The following SLFN12L variants were observed in gnomAD, a reference collection of about 807,000 sequenced individuals.
SLFN12L encodes the protein schlafen family member 12 like.
In SLFN12L, 34 loss-of-function variants were observed where a neutral mutation model predicts 34.8. The observed-to-expected ratio is 0.98, with a 90% CI of 0.74 to 1.30. The LOEUF (loss-of-function observed/expected upper bound fraction) is 1.30. Among genes scored for constraint, SLFN12L ranks in the 50% most tolerant of loss-of-function variants. The pLI is 0.00. For missense variants in SLFN12L, 703 were observed against 696.2 expected, an observed-to-expected ratio of 1.01 and a Z score of -0.11; for synonymous variants, 259 against 247.5, an observed-to-expected ratio of 1.05 and a Z score of -0.44.
At chr17:35,478,727 A>G (rs1914147648) in intron 3 of SLFN12L, among the ~76,000 whole-genome samples, 1 of 152,220 alleles carries the variant, frequency 6.6e-6, no homozygotes, top group Non-Finnish European at 1.5e-5. Context: ...ATAAATGGAA[A>G]GTGGGTAAAG....
In SLFN12L at chr17:35,472,147, C is replaced by T. The variant is rs1913818798; in HGVS notation, c.*2776G>A. 6.6e-6 allele frequency among the ~76,000 whole-genome samples: 1 copy of T among 152,130 alleles called. No homozygotes were observed. The highest frequency in any genetic ancestry group is 6.5e-5 in the Admixed American group (1 of 15,274). ...TGAAGTCTTTGCCCATGCCTATGTC[C>T]TGAATGGTATTGCCTAGGTTTTCTT... On this transcript the variant is annotated 3_prime_UTR_variant, in exon 5 of 5. Transcript: ENST00000628453.
chr17:35,531,380 T>C (rs974442232), intron 1 of SLFN12L, among the ~76,000 whole-genome samples: 10 of 152,204 alleles, frequency 6.6e-5, no homozygotes, highest in Non-Finnish European at 1.3e-4. Flanking sequence ...TTTCATGATC[T>C]TACTCATATG....
chr17:35,515,804 C>G (rs187595472), intron 2 of SLFN12L, among the ~76,000 whole-genome samples: 3 of 151,730 alleles, frequency 2.0e-5, no homozygotes, highest in African/African-American at 4.8e-5. Context: ...CCACCACACC[C>G]GGCTAATTTT....
chr17:35,527,592 T>C (rs1366171628), intron 1 of SLFN12L, among the ~76,000 whole-genome samples: 1 of 152,022 alleles, frequency 6.6e-6, no homozygotes, highest in African/African-American at 2.4e-5. Flanking sequence ...ACAGAACGAA[T>C]GACAAAAGCC....
chr17:35,528,332 C>T (rs2072358322), intron 1 of SLFN12L, among the ~76,000 whole-genome samples: 1 of 150,494 alleles, frequency 6.6e-6, no homozygotes, highest in Non-Finnish European at 1.5e-5. Flanking sequence ...ACTTTATTCA[C>T]AGAACTGGAA....
intron 1 of SLFN12L, among the ~76,000 whole-genome samples, chr17:35,535,572 C>A (rs2072452602): frequency 6.6e-6 from 1 of 151,546 alleles, no homozygotes; most frequent in Non-Finnish European, 1.5e-5. Flanking sequence ...CTGCAGCCTT[C>A]ACCACCCGAA....
intron 2 of SLFN12L, among the ~76,000 whole-genome samples, chr17:35,482,826 G>A (rs1030690434): frequency 6.6e-6 from 1 of 152,112 alleles, no homozygotes; most frequent in African/African-American, 2.4e-5. Context: ...CTGAAGGCTG[G>A]GGACCGGGCT....
chr17:35,502,737 C>A (rs1002642942), intron 2 of SLFN12L, among the ~76,000 whole-genome samples: 2 of 152,072 alleles, frequency 1.3e-5, no homozygotes, highest in Non-Finnish European at 2.9e-5. Flanking sequence ...AACAGTGTAA[C>A]ATGTATTATA....
intron 2 of SLFN12L, chr17:35,487,963 C>G (rs1384083502): frequency 2.9e-6 from 2 of 684,330 alleles, no homozygotes; most frequent in African/African-American, 3.5e-5. Flanking sequence ...AATCCCAGCA[C>G]TTTGGGAGGC....
intron 1 of SLFN12L, among the ~76,000 whole-genome samples, chr17:35,529,629 G>T (rs993530644): frequency 6.6e-6 from 1 of 151,658 alleles, no homozygotes; most frequent in Non-Finnish European, 1.5e-5. Flanking sequence ...TCTCTCATAA[G>T]TGGGAGTTGA....
intron 1 of SLFN12L, among the ~76,000 whole-genome samples, chr17:35,525,545 G>A (rs1022430977): frequency 2.0e-5 from 3 of 152,136 alleles, no homozygotes; most frequent in South Asian, 2.1e-4. Flanking sequence ...AAGAGAGTGG[G>A]GGCCAATATT....
intron 1 of SLFN12L, among the ~76,000 whole-genome samples, chr17:35,530,433 AGG>A (rs1287774538): frequency 0.11 from 1,114 of 10,102 alleles, 245 homozygotes; most frequent in African/African-American, 0.14. Context: ...AAGGAAGGGA[AGG>A]GAAGGGAAGA....
intron 2 of SLFN12L, chr17:35,515,200 A>G: frequency 1.7e-6 from 1 of 593,838 alleles, no homozygotes; most frequent in Non-Finnish European, 3.3e-6. Context: ...CTTCCCCAGA[A>G]CGCTGAGTGT....
intron 1 of SLFN12L, among the ~76,000 whole-genome samples, chr17:35,534,251 A>G (rs1305533741): frequency 6.6e-6 from 1 of 152,066 alleles, no homozygotes; most frequent in Non-Finnish European, 1.5e-5. Context: ...AGTCCCAGCT[A>G]CTCGGGAGGC....
chr17:35,476,192 T>G (rs1913996419), intron 4 of SLFN12L, among the ~76,000 whole-genome samples: 1 of 152,000 alleles, frequency 6.6e-6, no homozygotes, highest in Admixed American at 6.6e-5. Context: ...GGAGCTGGGA[T>G]TTCAGAAACA....
At chr17:35,504,004 C>G (rs1915386143) in intron 2 of SLFN12L, among the ~76,000 whole-genome samples, 1 of 152,202 alleles carries the variant, frequency 6.6e-6, no homozygotes, top group South Asian at 2.1e-4. Context: ...AAGTTTAACT[C>G]CTTCTTCTAT....
At chr17:35,495,458 A>G (rs1311059375) in intron 2 of SLFN12L, among the ~76,000 whole-genome samples, 1 of 152,324 alleles carries the variant, frequency 6.6e-6, no homozygotes, top group South Asian at 2.1e-4. Context: ...AGTAACATAT[A>G]AAGCAATAGA....
chr17:35,502,979 A>G (rs1915350288), intron 2 of SLFN12L, among the ~76,000 whole-genome samples: 1 of 111,942 alleles, frequency 8.9e-6, no homozygotes, highest in Non-Finnish European at 1.7e-5. Flanking sequence ...GAAAGTCGTG[A>G]AAGAGAAAAA....
chr17:35,522,118 A>AT lies in SLFN12L; in HGVS notation c.86+160dup, dbSNP rs571915813. ...CATGTACCCTACAACTTAAAGTATA[A>AT]TAAAAAAAAGGTAGAAAAAATTACC... On this transcript the variant is annotated intron_variant, in intron 2 of 4. Coordinates refer to ENST00000628453, the MANE Select transcript of SLFN12L (RefSeq NM_001363830.2). Among the ~76,000 whole-genome samples the AT allele has an allele frequency of 7.4e-4, 112 of 151,814 alleles. 1 individual carries two copies. In the South Asian group the frequency reaches 0.021, roughly 28 times the overall value.
Sources: allele counts gnomAD v4.1 joint callset (sites outside exome capture counted in the v4.1 genomes callset), GRCh38; gene constraint gnomAD v4.1.1; transcripts MANE v1.5; gene names NCBI Gene and HGNC (gene_info 2026-07-23, HGNC 2026-07-21).